KLF8: variants seen among roughly 807,000 people sequenced by gnomAD.
The protein encoded by KLF8 is KLF transcription factor 8, also known as Krueppel-like factor 8.
In KLF8, 10 loss-of-function variants were observed where a neutral mutation model predicts 18.2. The ratio of observed to expected loss-of-function variants is 0.55; its 90% CI spans 0.34 to 0.93. KLF8 has a LOEUF of 0.93. Among genes scored for constraint, KLF8 ranks in the 40% least tolerant of loss-of-function variants. The pLI, the probability that KLF8 is intolerant of heterozygous loss-of-function variation, is 0.02. For synonymous variants in KLF8, 109 were observed against 97.3 expected, an observed-to-expected ratio of 1.12 and a Z score of -0.71; for missense variants, 264 against 277.9, an observed-to-expected ratio of 0.95 and a Z score of 0.36.
At chrX:56,052,415 C>G in the KLF8 span, among the ~76,000 whole-genome samples, 1 of 111,594 alleles carries the variant, frequency 9.0e-6, no homozygotes, top group African/African-American at 3.3e-5. Context: ...TACTTTTGGT[C>G]TTTGATGATG....
At chrX:55,989,631 G>A in the KLF8 span, among the ~76,000 whole-genome samples, 2 of 111,504 alleles carry the variant, frequency 1.8e-5, no homozygotes, top group East Asian at 2.8e-4. Context: ...ATTTTGCATC[G>A]ATGTTCGTCG....
chrX:56,109,791 T>A, the KLF8 span, among the ~76,000 whole-genome samples: 1 of 111,350 alleles, frequency 9.0e-6, no homozygotes, highest in African/African-American at 3.3e-5. Context: ...TAATTTTTAT[T>A]TTTATTTTAA....
the KLF8 span, among the ~76,000 whole-genome samples, chrX:56,072,620 C>T: frequency 1.8e-5 from 2 of 112,012 alleles, no homozygotes; most frequent in Non-Finnish European, 3.8e-5. Context: ...GCAACTAATA[C>T]AGACTTCTAA....
the KLF8 span, among the ~76,000 whole-genome samples, chrX:56,159,121 C>T: frequency 8.9e-6 from 1 of 111,954 alleles, no homozygotes; most frequent in Non-Finnish European, 1.9e-5. Context: ...TGTCAAAGGA[C>T]TTTTCTGCAT....
At chrX:56,067,888 A>T in the KLF8 span, among the ~76,000 whole-genome samples, 1 of 112,684 alleles carries the variant, frequency 8.9e-6, no homozygotes, top group East Asian at 2.8e-4. Flanking sequence ...AAGTGGCAGT[A>T]TCTGGGAGCA....
At chrX:56,190,312 G>C in the KLF8 span, among the ~76,000 whole-genome samples, 1 of 110,720 alleles carries the variant, frequency 9.0e-6, no homozygotes, top group African/African-American at 3.3e-5. Context: ...TCCAACACTG[G>C]AGCACTCAGA....
At chrX:56,251,152 G>T (rs981282635) in intron 2 of KLF8, among the ~76,000 whole-genome samples, 7 of 112,054 alleles carry the variant, frequency 6.2e-5, no homozygotes, top group Middle Eastern at 4.2e-3. Flanking sequence ...AATAAAACTG[G>T]CCTTGAACAC....
At chrX:56,262,091 A>G (rs1359238538) in intron 2 of KLF8, among the ~76,000 whole-genome samples, 2 of 112,053 alleles carry the variant, frequency 1.8e-5, no homozygotes, top group Admixed American at 1.9e-4. Flanking sequence ...AAACCCAAAC[A>G]ACTCCCCTTC....
chrX:56,030,442 T>C, the KLF8 span, among the ~76,000 whole-genome samples: 1 of 111,794 alleles, frequency 8.9e-6, no homozygotes, highest in Admixed American at 9.5e-5. Context: ...TGAGTCTGTA[T>C]AATAGTTTGG....
chrX:56,186,018 C>A, the KLF8 span, among the ~76,000 whole-genome samples: 1 of 111,479 alleles, frequency 9.0e-6, no homozygotes, highest in African/African-American at 3.3e-5. Flanking sequence ...CAAATTCACA[C>A]ATAAAAATAT....
At chrX:56,196,557 G>A in the KLF8 span, among the ~76,000 whole-genome samples, 168 of 112,009 alleles carry the variant, frequency 1.5e-3, no homozygotes, top group Middle Eastern at 9.3e-3. Flanking sequence ...CTATCCTAAA[G>A]ATATGTGCAC....
At chrX:56,275,890 T>C (rs1016284046) in intron 5 of KLF8, among the ~76,000 whole-genome samples, 3 of 112,015 alleles carry the variant, frequency 2.7e-5, no homozygotes, top group African/African-American at 9.7e-5. Flanking sequence ...GCTAGTATTT[T>C]GTTGAGGATT....
At chrX:56,271,351 A>G (rs2067055776) in intron 5 of KLF8, among the ~76,000 whole-genome samples, 1 of 111,464 alleles carries the variant, frequency 9.0e-6, no homozygotes, top group African/African-American at 3.3e-5. Context: ...GTTGGCTTCT[A>G]GTTCAAAAAT....
chrX:56,123,374 C>G, the KLF8 span, among the ~76,000 whole-genome samples: 1 of 111,450 alleles, frequency 9.0e-6, no homozygotes, highest in Non-Finnish European at 1.9e-5. Context: ...ATGAAAGTCT[C>G]AATTCTGGGC....
chrX:56,108,883 T>C, the KLF8 span, among the ~76,000 whole-genome samples: 3 of 112,000 alleles, frequency 2.7e-5, no homozygotes, highest in Non-Finnish European at 3.8e-5. Flanking sequence ...TCATATGTGG[T>C]GTTTTGCTTT....
the KLF8 span, among the ~76,000 whole-genome samples, chrX:56,194,806 G>A: frequency 6.2e-5 from 7 of 112,106 alleles, no homozygotes; most frequent in Non-Finnish European, 1.1e-4. Context: ...CTCCCAGTAA[G>A]GGCTGAAAGA....
the KLF8 span, among the ~76,000 whole-genome samples, chrX:56,195,401 A>G: frequency 8.9e-5 from 10 of 112,285 alleles, no homozygotes; most frequent in Admixed American, 9.5e-4. Context: ...GACCTAATGG[A>G]GCTGAAAACC....
At chrX:56,066,133 G>A in the KLF8 span, among the ~76,000 whole-genome samples, 1 of 111,993 alleles carries the variant, frequency 8.9e-6, no homozygotes, top group South Asian at 3.7e-4. Context: ...CTGGCTCCCA[G>A]GTGGTTTCCT....
chrX:56,103,722 GCC>G, the KLF8 span, among the ~76,000 whole-genome samples: 1 of 111,027 alleles, frequency 9.0e-6, no homozygotes, highest in Non-Finnish European at 1.9e-5. Flanking sequence ...CTGCCTGATT[GCC>G]CTGGCCAGAA....
Sources: gnomAD v4.1 joint callset for allele counts (sites outside exome capture counted in the v4.1 genomes callset) on GRCh38, gnomAD v4.1.1 for gene constraint, MANE v1.5 for transcripts, NCBI Gene and HGNC (gene_info 2026-07-23, HGNC 2026-07-21) for gene names.